KIF26B: variants seen among roughly 807,000 people sequenced by gnomAD.
KIF26B encodes kinesin-like protein KIF26B.
A neutral mutation model predicts 151.2 loss-of-function variants in KIF26B; 63 were observed. The ratio of observed to expected loss-of-function variants is 0.42; its 90% CI spans 0.34 to 0.51. KIF26B has a LOEUF of 0.51. Among genes scored for constraint, KIF26B ranks in the 20% least tolerant of loss-of-function variants. The pLI is 0.07. For synonymous variants in KIF26B, 1,357 were observed against 1,262.1 expected (o/e 1.08, Z -1.59); for missense variants, 2,813 against 2,913.6 (o/e 0.97, Z 0.79).
chr1:245,230,048 G>T (rs932513356), intron 2 of KIF26B, among the ~76,000 whole-genome samples: 1 of 151,684 alleles, frequency 6.6e-6, no homozygotes, highest in Non-Finnish European at 1.5e-5. Flanking sequence ...CAGGAGAATC[G>T]CTTGAACCCG....
At chr1:245,214,711 G>T (rs919127079) in intron 2 of KIF26B, among the ~76,000 whole-genome samples, 2 of 152,092 alleles carry the variant, frequency 1.3e-5, no homozygotes, top group African/African-American at 2.4e-5. Context: ...TTGGTGGTGC[G>T]CACCTGTAAT....
intron 3 of KIF26B, among the ~76,000 whole-genome samples, chr1:245,374,788 C>T (rs1017651351): frequency 1.3e-5 from 2 of 152,106 alleles, no homozygotes; most frequent in African/African-American, 2.4e-5. Flanking sequence ...TTTGTATATT[C>T]GGTCATGGAC....
In KIF26B at chr1:245,166,770, C is replaced by A. The variant is rs945679504; in HGVS notation, c.465+10087C>A. 1.3e-5 allele frequency among the ~76,000 whole-genome samples: 2 copies of A among 152,130 alleles called. No homozygotes were observed. Among genetic ancestry groups the A allele is most frequent in the African/African-American group, 4.8e-5 (2 of 41,426 alleles). On this transcript the variant is annotated intron_variant, in intron 2 of 14. Transcript: ENST00000407071. The surrounding 1 kb of genome is among the most constrained non-coding windows in gnomAD (Gnocchi z 4.5). Reference sequence around the variant, plus strand: ...TCCTATCACATCGATTCCAACCAGACCCCATGGGAAGTCTGGGAATAAAGA... The same window carrying A: ...TCCTATCACATCGATTCCAACCAGAACCCATGGGAAGTCTGGGAATAAAGA...
intron 2 of KIF26B, among the ~76,000 whole-genome samples, chr1:245,202,945 AAAAAC>A (rs147242826): frequency 6.7e-6 from 1 of 148,592 alleles, no homozygotes; most frequent in African/African-American, 2.5e-5. Flanking sequence ...CTGTCTCAAA[AAAAAC>A]AAAACAAAAC....
At chr1:245,554,239 T>C (rs1343685839) in intron 5 of KIF26B, among the ~76,000 whole-genome samples, 2 of 152,222 alleles carry the variant, frequency 1.3e-5, no homozygotes, top group East Asian at 3.9e-4. Context: ...TTAGGCTACT[T>C]GAGGGTGGGA....
At chr1:245,700,072 T>C (rs916399729) in intron 14 of KIF26B, among the ~76,000 whole-genome samples, 18 of 152,096 alleles carry the variant, frequency 1.2e-4, no homozygotes, top group African/African-American at 4.1e-4. Context: ...TAAGTACTCA[T>C]TGGATTCTTG....
At chr1:245,164,165 T>G (rs1392004228) in intron 2 of KIF26B, among the ~76,000 whole-genome samples, 2 of 152,214 alleles carry the variant, frequency 1.3e-5, no homozygotes, top group Admixed American at 1.3e-4. Context: ...GAATGGGTAT[T>G]ATATTTTGCC....
intron 4 of KIF26B, among the ~76,000 whole-genome samples, chr1:245,527,437 G>A (rs1468472923): frequency 6.9e-6 from 1 of 144,608 alleles, no homozygotes; most frequent in East Asian, 2.2e-4. Context: ...CATTTAATAA[G>A]ACCAGCCAGT....
At chr1:245,198,962 G>C (rs1215161098) in intron 2 of KIF26B, among the ~76,000 whole-genome samples, 23 of 152,134 alleles carry the variant, frequency 1.5e-4, no homozygotes, top group Non-Finnish European at 1.9e-4. Context: ...AGGCGGGAGA[G>C]TGTGGCCGCT....
Position 245,540,685 on chromosome 1 carries a change from G to GT in KIF26B, c.1167-80dup, listed in dbSNP as rs765232054. The stretch of plus-strand genomic sequence containing the variant: ...GATTAGGCCTCAGAAAGAACGAGGG[G>GT]TTGTTTAAGAGAAAACGAAGTAAGC... On this transcript the variant is annotated intron_variant, in intron 4 of 14. Coordinates refer to ENST00000407071, the MANE Select transcript of KIF26B (RefSeq NM_018012.4). The surrounding 1 kb of genome is among the most constrained non-coding windows in gnomAD (Gnocchi z 4.6). 213 of 1,257,948 alleles carry GT rather than the reference G, an allele frequency of 1.7e-4. No individual in the cohort carries two copies. Among genetic ancestry groups the GT allele is most frequent in the Non-Finnish European group, 2.2e-4 (188 of 855,180 alleles). The allele number at this position is 1,257,948 out of a possible 1,614,324, so 77.9% of individuals were successfully genotyped here. A position where few individuals can be genotyped will look rare whatever the true frequency, so the allele number is the denominator to read the frequency against.
intron 10 of KIF26B, among the ~76,000 whole-genome samples, chr1:245,648,111 C>A (rs35842276): frequency 2.0e-5 from 3 of 152,172 alleles, no homozygotes; most frequent in South Asian, 2.1e-4. Context: ...AATGTCAGAA[C>A]TTCATAGATC....
intron 3 of KIF26B, among the ~76,000 whole-genome samples, chr1:245,403,119 C>T (rs1359514333): frequency 6.6e-6 from 1 of 152,070 alleles, no homozygotes; most frequent in African/African-American, 2.4e-5. Context: ...CAGGTGTGCA[C>T]CACCATGTCT....
At chr1:245,258,572 G>C (rs541807294) in intron 2 of KIF26B, among the ~76,000 whole-genome samples, 2 of 152,290 alleles carry the variant, frequency 1.3e-5, no homozygotes, top group East Asian at 1.9e-4. Context: ...TAAAATGAAA[G>C]TTTGTCTTAC....
intron 5 of KIF26B, among the ~76,000 whole-genome samples, chr1:245,559,461 G>A (rs1455435408): frequency 6.6e-6 from 1 of 151,840 alleles, no homozygotes; most frequent in Non-Finnish European, 1.5e-5. Flanking sequence ...CGCCCACGTT[G>A]GTGTGCAGTG....
chr1:245,321,096 A>G (rs1671879004), intron 2 of KIF26B, among the ~76,000 whole-genome samples: 1 of 152,214 alleles, frequency 6.6e-6, no homozygotes, highest in Admixed American at 6.5e-5. Context: ...ATCCACCATT[A>G]CAGTATCACA....
At chr1:245,682,040 T>G (rs1016835769) in intron 10 of KIF26B, among the ~76,000 whole-genome samples, 1 of 152,154 alleles carries the variant, frequency 6.6e-6, no homozygotes, top group African/African-American at 2.4e-5. Flanking sequence ...GTCAGGAGTT[T>G]GAGACTAGAC....
intron 3 of KIF26B, among the ~76,000 whole-genome samples, chr1:245,399,477 C>T (rs974468472): frequency 6.6e-6 from 1 of 152,106 alleles, no homozygotes; most frequent in Non-Finnish European, 1.5e-5. Context: ...TTTCAAATTC[C>T]GCTGTTGTCA....
At chr1:245,574,864 C>CTTTTTTTTTTTTTTTT (rs201010492) in intron 5 of KIF26B, among the ~76,000 whole-genome samples, 2 of 126,252 alleles carry the variant, frequency 1.6e-5, no homozygotes, top group Non-Finnish European at 1.7e-5. Context: ...TTTTTTTTTT[C>CTTTTTTTTTTTTTTTT]TTTTTTTTTT....
chr1:245,655,674 C>T (rs755098593), intron 10 of KIF26B, among the ~76,000 whole-genome samples: 22 of 152,202 alleles, frequency 1.4e-4, no homozygotes, highest in Non-Finnish European at 2.2e-4. Flanking sequence ...TCTGTGTATC[C>T]CAGTGACTGG....
Sources: allele counts gnomAD v4.1 joint callset (sites outside exome capture counted in the v4.1 genomes callset), GRCh38; gene constraint gnomAD v4.1.1; non-coding constraint Gnocchi (gnomAD v3.1); transcripts MANE v1.5; gene names NCBI Gene and HGNC (gene_info 2026-07-23, HGNC 2026-07-21).